The following AGPAT4 variants were observed in gnomAD, a reference collection of about 807,000 sequenced individuals.
AGPAT4 encodes 1-acylglycerol-3-phosphate O-acyltransferase 4, also known as 1-acyl-sn-glycerol-3-phosphate acyltransferase delta.
A neutral mutation model predicts 48.0 loss-of-function variants in AGPAT4; 15 were observed. That is an observed-to-expected ratio of 0.31 (90% CI 0.21 to 0.48). The LOEUF is 0.48. Ranked by LOEUF, AGPAT4 falls within the 20% of genes least tolerant of loss-of-function variation. AGPAT4 has a pLI of 0.99. For synonymous variants in AGPAT4, 178 were observed against 198.7 expected (o/e 0.90, Z 0.88); for missense variants, 314 against 482.5 (o/e 0.65, Z 3.27).
rs539939760 is a variant in AGPAT4, at chr6:161,233,657, C to A, written c.-89-1355G>T. Among the ~76,000 whole-genome samples the A allele has an allele frequency of 1.1e-4, 16 of 152,258 alleles. No homozygotes were observed. The highest frequency in any genetic ancestry group is 3.1e-4 in the African/African-American group (13 of 41,548). ...ATTCAGCACTTTGTTATAAAATAGG[C>A]CTTGTGTAAGATGATTTGGCCTAAC... On this transcript the variant is annotated intron_variant, in intron 1 of 8. Transcript: ENST00000320285. This position sits in a 1 kb window ranked among gnomAD's most constrained non-coding sequence, Gnocchi z 5.4.
chr6:161,239,003 T>A (rs960515681), intron 1 of AGPAT4, among the ~76,000 whole-genome samples: 2 of 152,196 alleles, frequency 1.3e-5, no homozygotes, highest in Non-Finnish European at 2.9e-5. Context: ...TTATTAGCTG[T>A]GTGAGAATAG....
At position 161,215,068 on chromosome 6, in the gene AGPAT4, G is replaced by C. The variant is rs982691182; in HGVS notation, c.178+16968C>G. 4.6e-5 allele frequency among the ~76,000 whole-genome samples: 7 copies of C among 152,092 alleles called. No individual in the cohort carries two copies. Among genetic ancestry groups the C allele is most frequent in the Admixed American group, 1.3e-4 (2 of 15,274 alleles). ...GGACTACAAGCTATGTTTTTTATGT[G>C]ACATTTTAAATACTTATTTAAATAC... On this transcript the variant is annotated intron_variant, in intron 2 of 8. Coordinates refer to ENST00000320285, the MANE Select transcript of AGPAT4 (RefSeq NM_020133.3). The surrounding 1 kb of genome is among the most constrained non-coding windows in gnomAD (Gnocchi z 4.5).
rs1779746174 is a variant in AGPAT4, at chr6:161,155,553, C to G, written c.349-1243G>C. Among the ~76,000 whole-genome samples, 1 of 152,192 alleles carries G rather than the reference C, an allele frequency of 6.6e-6. No homozygotes were observed. Among genetic ancestry groups the G allele is most frequent in the Non-Finnish European group, 1.5e-5 (1 of 68,026 alleles). ...AAGGTCTAAACAGCCAATTGCTACC[C>G]TACTTTAAAAAAACAAGAAACTTCT... On this transcript the variant is annotated intron_variant, in intron 3 of 8. Coordinates refer to ENST00000320285, the MANE Select transcript of AGPAT4 (RefSeq NM_020133.3). This position sits in a 1 kb window ranked among gnomAD's most constrained non-coding sequence, Gnocchi z 5.8.
rs1464516037 is a variant in AGPAT4, at chr6:161,137,318, A to G, written c.1043-684T>C. On this transcript the variant is annotated intron_variant, in intron 8 of 8. Coordinates refer to ENST00000320285, the MANE Select transcript of AGPAT4 (RefSeq NM_020133.3). The surrounding 1 kb of genome is among the most constrained non-coding windows in gnomAD (Gnocchi z 6.1). ...CAAGACTTAATCATTTGATGTGCTCAGCACTGGGCATGGGGCTTGGAAAAC... is the reference window on the plus strand; with the variant it reads ...CAAGACTTAATCATTTGATGTGCTCGGCACTGGGCATGGGGCTTGGAAAAC... Among the ~76,000 whole-genome samples the G allele has an allele frequency of 1.3e-5, 2 of 152,248 alleles. No individual in the cohort carries two copies. The highest frequency in any genetic ancestry group is 4.8e-5 in the African/African-American group (2 of 41,468).
At chr6:161,183,475 C>A (rs556645373) in intron 2 of AGPAT4, among the ~76,000 whole-genome samples, 2 of 151,268 alleles carry the variant, frequency 1.3e-5, no homozygotes, top group South Asian at 4.2e-4. Context: ...CAAAAATTAG[C>A]TGGGCATGGT....
In AGPAT4 at chr6:161,216,381, C is replaced by A. The variant is rs917105684; in HGVS notation, c.178+15655G>T. 3.3e-5 allele frequency among the ~76,000 whole-genome samples: 5 copies of A among 152,204 alleles called. No individual in the cohort carries two copies. Among genetic ancestry groups the A allele is most frequent in the African/African-American group, 4.8e-5 (2 of 41,448 alleles). On this transcript the variant is annotated intron_variant, in intron 2 of 8. Coordinates refer to ENST00000320285, the MANE Select transcript of AGPAT4 (RefSeq NM_020133.3). The surrounding 1 kb of genome is among the most constrained non-coding windows in gnomAD (Gnocchi z 4.8). ...TGCGTCTCTTGTCCAGGATGACAGA[C>A]AACCTCTGCAACTGCCTTCTACAAT...
Position 161,219,909 on chromosome 6 carries a change from A to AGGC in AGPAT4, c.178+12124_178+12126dup, listed in dbSNP as rs1473117469. 4.0e-3 allele frequency among the ~76,000 whole-genome samples: 498 copies of AGGC among 125,888 alleles called. 5 individuals are homozygous for AGGC. The highest frequency in any genetic ancestry group is 0.033 in the East Asian group (141 of 4,274). The allele number at this position is 125,888 out of a possible 152,430, so 82.6% of individuals were successfully genotyped here. On this transcript the variant is annotated intron_variant, in intron 2 of 8. Coordinates refer to ENST00000320285, the MANE Select transcript of AGPAT4 (RefSeq NM_020133.3). This position sits in a 1 kb window ranked among gnomAD's most constrained non-coding sequence, Gnocchi z 4.9. ...CAGGCAGGCAGGCAGGCAGGCAGGCAGGCAGGCGGCAGGCAGGCAGGCAGG... is the reference window on the plus strand; with the variant it reads ...CAGGCAGGCAGGCAGGCAGGCAGGCAGGCGGCAGGCGGCAGGCAGGCAGGCAGG...
In AGPAT4 at chr6:161,146,716, C is replaced by T; in HGVS notation, c.768-117G>A. 1 of 880,854 alleles carries T rather than the reference C, an allele frequency of 1.1e-6. No homozygotes were observed. The highest frequency in any genetic ancestry group is 1.8e-6 in the Non-Finnish European group (1 of 548,790). 54.6% of individuals were successfully genotyped at this position (880,854 alleles called of 1,614,324 possible). ...TCTGGGTCACCTAAATAATGTGGAACTGAAGAGAGTAATGCAAGTGATAGA... is the reference window on the plus strand; with the variant it reads ...TCTGGGTCACCTAAATAATGTGGAATTGAAGAGAGTAATGCAAGTGATAGA... On this transcript the variant is annotated intron_variant, in intron 6 of 8. Coordinates refer to ENST00000320285, the MANE Select transcript of AGPAT4 (RefSeq NM_020133.3). The surrounding 1 kb of genome is among the most constrained non-coding windows in gnomAD (Gnocchi z 7.1).
intron 1 of AGPAT4, among the ~76,000 whole-genome samples, chr6:161,263,478 G>A (rs540823679): frequency 5.3e-5 from 8 of 152,222 alleles, no homozygotes; most frequent in African/African-American, 9.6e-5. Context: ...ACAACAGAGC[G>A]AGACTCTCTC....
intron 2 of AGPAT4, among the ~76,000 whole-genome samples, chr6:161,176,691 A>C (rs141715648): frequency 6.0e-4 from 91 of 152,228 alleles, no homozygotes; most frequent in African/African-American, 2.0e-3. Context: ...TTATGATGTT[A>C]GCTGGTTATT....
chr6:161,167,997 T>C (rs1370540819), intron 2 of AGPAT4, among the ~76,000 whole-genome samples: 2 of 152,182 alleles, frequency 1.3e-5, no homozygotes, highest in East Asian at 1.9e-4. Flanking sequence ...TACCTATTTC[T>C]AGGAACTGAG....
At position 161,159,681 on chromosome 6, in the gene AGPAT4, T is replaced by C. The variant is rs565036272; in HGVS notation, c.349-5371A>G. ...TTTTTGAGACGAAGTTTCACTCTTG[T>C]TGCCCAGGCTGGAGTGCAGTGGCAC... On this transcript the variant is annotated intron_variant, in intron 3 of 8. Transcript: ENST00000320285. The surrounding 1 kb of genome is among the most constrained non-coding windows in gnomAD (Gnocchi z 4.1). Among the ~76,000 whole-genome samples, 2 of 152,300 alleles carry C rather than the reference T, an allele frequency of 1.3e-5. No individual in the cohort carries two copies. The highest frequency in any genetic ancestry group is 3.9e-4 in the East Asian group (2 of 5,178).
intron 2 of AGPAT4, among the ~76,000 whole-genome samples, chr6:161,172,640 T>A (rs1780298878): frequency 6.6e-6 from 1 of 152,190 alleles, no homozygotes; most frequent in Admixed American, 6.5e-5. Flanking sequence ...TATTTTTATT[T>A]TTTATTTATT....
rs1031180845 is a variant in AGPAT4, at chr6:161,136,309, ACT to A, written c.*229_*230del. On this transcript the variant is annotated 3_prime_UTR_variant, in exon 9 of 9. Transcript: ENST00000320285. ...TCACCACACAGCCATTCTCACACAC[ACT>A]CGCACAAAAAGAAAACCAAAGCCCA... 17 of 536,176 alleles carry A rather than the reference ACT, an allele frequency of 3.2e-5. No individual in the cohort carries two copies. The highest frequency in any genetic ancestry group is 3.1e-4 in the African/African-American group (16 of 52,246). The allele number at this position is 536,176 out of a possible 1,614,324, so 33.2% of individuals were successfully genotyped here.
At chr6:161,269,106 T>C (rs1332634553) in intron 1 of AGPAT4, among the ~76,000 whole-genome samples, 6 of 152,194 alleles carry the variant, frequency 3.9e-5, no homozygotes, top group Non-Finnish European at 8.8e-5. Flanking sequence ...TTTTTTAAAA[T>C]GCTATACTTT....
intron 1 of AGPAT4, among the ~76,000 whole-genome samples, chr6:161,256,158 C>T (rs558304932): frequency 5.4e-4 from 82 of 152,240 alleles, no homozygotes; most frequent in African/African-American, 1.9e-3. Context: ...AAACAGATCC[C>T]CCTCAACTGA....
rs1229539604 is a variant in AGPAT4, at chr6:161,245,263, T to G, written c.-89-12961A>C. Among the ~76,000 whole-genome samples, 1 of 152,220 alleles carries G rather than the reference T, an allele frequency of 6.6e-6. No homozygotes were observed. Among genetic ancestry groups the G allele is most frequent in the Non-Finnish European group, 1.5e-5 (1 of 68,042 alleles). Reference sequence around the variant, plus strand: ...CTCTGCCATGCTCAGCTTCCTCCTTTGTCAACAGGACGTACTGACATACAC... The same window carrying G: ...CTCTGCCATGCTCAGCTTCCTCCTTGGTCAACAGGACGTACTGACATACAC... On this transcript the variant is annotated intron_variant, in intron 1 of 8. Coordinates refer to ENST00000320285, the MANE Select transcript of AGPAT4 (RefSeq NM_020133.3). The surrounding 1 kb of genome is among the most constrained non-coding windows in gnomAD (Gnocchi z 5.2).
In AGPAT4 at chr6:161,130,881, C is replaced by G. The variant is rs1179761534; in HGVS notation, c.*5659G>C. 4 of 519,004 alleles carry G rather than the reference C, an allele frequency of 7.7e-6. No homozygotes were observed. Among genetic ancestry groups the G allele is most frequent in the Non-Finnish European group, 1.5e-5 (4 of 259,860 alleles). 32.1% of individuals were successfully genotyped at this position (519,004 alleles called of 1,614,324 possible). ...TCCTTCCTCATGATCTGCAAAGATACAGAGAGAATGGCATTCCAAAATTCC... is the reference window on the plus strand; with the variant it reads ...TCCTTCCTCATGATCTGCAAAGATAGAGAGAGAATGGCATTCCAAAATTCC... On this transcript the variant is annotated 3_prime_UTR_variant, in exon 9 of 9. Transcript: ENST00000320285.
chr6:161,204,223 T>C lies in AGPAT4; in HGVS notation c.178+27813A>G, dbSNP rs1781317643. ...ATTAGTAAGTGTACATAAAAGGGATTTGTGTGTTTATTAATAATTTTGTCT... is the reference window on the plus strand; with the variant it reads ...ATTAGTAAGTGTACATAAAAGGGATCTGTGTGTTTATTAATAATTTTGTCT... On this transcript the variant is annotated intron_variant, in intron 2 of 8. Coordinates refer to ENST00000320285, the MANE Select transcript of AGPAT4 (RefSeq NM_020133.3). This position sits in a 1 kb window ranked among gnomAD's most constrained non-coding sequence, Gnocchi z 4.4. 6.6e-6 allele frequency among the ~76,000 whole-genome samples: 1 copy of C among 152,188 alleles called. No homozygotes were observed. The highest frequency in any genetic ancestry group is 1.5e-5 in the Non-Finnish European group (1 of 68,034).
Sources: allele counts gnomAD v4.1 joint callset (sites outside exome capture counted in the v4.1 genomes callset), GRCh38; gene constraint gnomAD v4.1.1; non-coding constraint Gnocchi (gnomAD v3.1); transcripts MANE v1.5; gene names NCBI Gene and HGNC (gene_info 2026-07-23, HGNC 2026-07-21).